The following PGM3 variants were observed in gnomAD, a reference collection of about 807,000 sequenced individuals.
PGM3 encodes the protein phosphoacetylglucosamine mutase.
Under a neutral mutation model 66.2 loss-of-function variants are expected in PGM3, and 40 were observed. That is an observed-to-expected ratio of 0.60 (90% CI 0.47 to 0.79). The LOEUF is 0.79. Ranked by LOEUF, PGM3 falls within the 30% of genes least tolerant of loss-of-function variation. The pLI, the probability that PGM3 is intolerant of heterozygous loss-of-function variation, is 0.00. For synonymous variants in PGM3, 191 were observed against 224.2 expected, an observed-to-expected ratio of 0.85 and a Z score of 1.32; for missense variants, 537 against 643.4, an observed-to-expected ratio of 0.83 and a Z score of 1.79.
the PGM3 span, chr6:83,151,866 CT>C: frequency 6.2e-7 from 1 of 1,611,920 alleles, no homozygotes; most frequent in Non-Finnish European, 8.5e-7. Flanking sequence ...CATAGTTGTT[CT>C]TCCTTATTTT....
intron 6 of PGM3, among the ~76,000 whole-genome samples, chr6:83,180,903 GAGC>G (rs1381859284): frequency 3.3e-5 from 5 of 152,170 alleles, no homozygotes; most frequent in Non-Finnish European, 2.9e-5. Flanking sequence ...TATTTTAGGG[GAGC>G]AGCATCTATC....
At chr6:83,170,155 GA>G (rs1166485398) in intron 12 of PGM3, 149 bp downstream of exon 12, 1 of 662,358 alleles carries the variant, frequency 1.5e-6, no homozygotes, top group Non-Finnish European at 2.5e-6. Flanking sequence ...TACTGCTGGT[GA>G]AAATAATTTT....
At chr6:83,162,697 T>C (rs1784510120), downstream of PGM3, 2 of 1,368,270 alleles carry the variant, frequency 1.5e-6, no homozygotes, top group Admixed American at 4.8e-5. Flanking sequence ...TTATAAGCAG[T>C]GGGGTCATGA....
At chr6:83,181,337 G>A (rs563042205) in intron 6 of PGM3, among the ~76,000 whole-genome samples, 1 of 152,236 alleles carries the variant, frequency 6.6e-6, no homozygotes, top group East Asian at 1.9e-4. Context: ...TGGGAACAAA[G>A]CCTGCAAACT....
Position 83,170,309 on chromosome 6 carries a change from G to T in PGM3, c.1535C>A (p.Ser512Ter), listed in dbSNP as rs759691363. 1 of 1,613,964 alleles carries T rather than the reference G, an allele frequency of 6.2e-7. No individual in the cohort carries two copies. Among genetic ancestry groups the T allele is most frequent in the South Asian group, 1.1e-5 (1 of 91,062 alleles). Residue 512 changes from serine (S) to a stop codon, truncating the protein, a stop_gained, in exon 12 of 13, where the codon TCA becomes TAA. Transcript: ENST00000513973. LOFTEE classifies it high-confidence loss of function. ...DVVRVYAEADSQESADHLAHE... is the reference protein window; with the variant it reads ...DVVRVYAEAD Reference sequence around the variant, plus strand: ...AATAGAACTATCCCAGCTTACTTGTGAGTCTGCTTCTGCATATACTCGGAC... The same window carrying T: ...AATAGAACTATCCCAGCTTACTTGTTAGTCTGCTTCTGCATATACTCGGAC...
At chr6:83,164,639 TTC>T, downstream of PGM3, 1 of 1,559,114 alleles carries the variant, frequency 6.4e-7, no homozygotes, top group East Asian at 2.4e-5. Flanking sequence ...AGGCTGTGAG[TTC>T]TCCTCTTTCC....
chr6:83,180,477 T>C (rs891193247), intron 6 of PGM3, among the ~76,000 whole-genome samples: 2 of 152,212 alleles, frequency 1.3e-5, no homozygotes, highest in African/African-American at 4.8e-5. Context: ...GTTGCTGAAA[T>C]CTCAGCAATT....
At chr6:83,152,771 C>A in the PGM3 span, among the ~76,000 whole-genome samples, 1 of 151,958 alleles carries the variant, frequency 6.6e-6, no homozygotes, top group South Asian at 2.1e-4. Flanking sequence ...GTGTGTGCCA[C>A]AATGCCCAGC....
At chr6:83,188,425 CA>C in intron 3 of PGM3, 188 bp downstream of exon 3, 1 of 520,988 alleles carries the variant, frequency 1.9e-6, no homozygotes, top group Non-Finnish European at 3.4e-6. Context: ...AAACCAGAGT[CA>C]GACTCCAAAC....
chr6:83,151,831 A>C, the PGM3 span: 2 of 1,555,220 alleles, frequency 1.3e-6, no homozygotes, highest in Non-Finnish European at 1.8e-6. Context: ...AGAAGTTCAT[A>C]ACTAGTGTGC....
rs1425783299 is a variant in PGM3 at position 83,168,119 on chromosome 6, A to C, written c.*1115T>G. On this transcript the variant is annotated 3_prime_UTR_variant, in exon 13 of 13. Coordinates refer to ENST00000513973, the MANE Select transcript of PGM3 (RefSeq NM_015599.3). ...GTTCCAGCAAAGCCAGGCAAAAAAT[A>C]GAAGAGATGGTAGAAAAAGATTTTC... 6.2e-7 allele frequency: 1 copy of C among 1,613,888 alleles called. No individual in the cohort carries two copies. Among genetic ancestry groups the C allele is most frequent in the Non-Finnish European group, 8.5e-7 (1 of 1,180,006 alleles).
In PGM3 at chr6:83,170,447, T is replaced by C. The variant is rs776651237; in HGVS notation, c.1397A>G (p.Asp466Gly). 6.2e-7 allele frequency: 1 copy of C among 1,614,086 alleles called. No homozygotes were observed. Residue 466 changes from aspartate to glycine, a missense_variant, in exon 12 of 13, where the codon GAT becomes GGT. Coordinates refer to ENST00000513973, the MANE Select transcript of PGM3 (RefSeq NM_015599.3). ...GGGTGTAACTGCTTGTCTTTCAGCATCGGTAGTGCTAATAACTCTCCTGTC... is the reference window on the plus strand; with the variant it reads ...GGGTGTAACTGCTTGTCTTTCAGCACCGGTAGTGCTAATAACTCTCCTGTC... ...VADRRVISTT[D>G]AERQAVTPPG... is the part of the protein sequence containing the mutation.
downstream of PGM3, among the ~76,000 whole-genome samples, chr6:83,159,163 G>A (rs1158076840): frequency 5.3e-5 from 8 of 152,158 alleles, no homozygotes; most frequent in Non-Finnish European, 1.2e-4. Flanking sequence ...AGGATCTCCT[G>A]TACTAATAAC....
chr6:83,173,743 G>GTGTT (rs891344275), intron 10 of PGM3, among the ~76,000 whole-genome samples: 14 of 152,150 alleles, frequency 9.2e-5, no homozygotes, highest in Admixed American at 1.3e-4. Context: ...CCAGTTATTT[G>GTGTT]TGTTTGTTTT....
the PGM3 span, among the ~76,000 whole-genome samples, chr6:83,150,838 ATACACAAATAATTAG>A: frequency 1.3e-5 from 2 of 152,192 alleles, no homozygotes; most frequent in African/African-American, 4.8e-5. Flanking sequence ...ACATAGAAAA[ATACACAAATAATTAG>A]TACACAACTC....
the PGM3 span, among the ~76,000 whole-genome samples, chr6:83,150,504 T>C: frequency 6.6e-6 from 1 of 152,246 alleles, no homozygotes; most frequent in Non-Finnish European, 1.5e-5. Flanking sequence ...TCAGTTATAC[T>C]AGAAACTTTA....
At chr6:83,148,816 C>G in the PGM3 span, 6 of 1,554,946 alleles carry the variant, frequency 3.9e-6, no homozygotes, top group Non-Finnish European at 5.2e-6. Flanking sequence ...TTCTGAAAGA[C>G]TCTATACAAC....
At chr6:83,182,790 A>C in intron 5 of PGM3, 55 bp downstream of exon 5, 1 of 1,489,262 alleles carries the variant, frequency 6.7e-7, no homozygotes, top group Non-Finnish European at 9.3e-7. Context: ...TGTTCAGTAG[A>C]CCATGTTACT....
chr6:83,182,706 C>G, intron 5 of PGM3, 139 bp downstream of exon 5: 1 of 772,766 alleles, frequency 1.3e-6, no homozygotes, highest in Non-Finnish European at 2.1e-6. Context: ...TTGTGTAGCC[C>G]TAGAGAAAAA....
Sources: allele counts gnomAD v4.1 joint callset (sites outside exome capture counted in the v4.1 genomes callset), GRCh38; gene constraint gnomAD v4.1.1; transcripts MANE v1.5; gene names NCBI Gene and HGNC (gene_info 2026-07-23, HGNC 2026-07-21).